The following STAG1 variants were observed in gnomAD, a reference collection of about 807,000 sequenced individuals.
STAG1 encodes the protein STAG1 cohesin complex component.
In STAG1, 26 loss-of-function variants were observed where a neutral mutation model predicts 170.9. The ratio of observed to expected loss-of-function variants is 0.15; its 90% CI spans 0.11 to 0.21. The LOEUF is 0.21. Ranked by LOEUF, STAG1 falls within the 10% of genes least tolerant of loss-of-function variation. The pLI is 1.00. For synonymous variants in STAG1, 514 were observed against 497.7 expected, an observed-to-expected ratio of 1.03 and a Z score of -0.44; for missense variants, 964 against 1,509.5, an observed-to-expected ratio of 0.64 and a Z score of 5.99.
At chr3:136,551,990 T>G (rs533369770) in intron 5 of STAG1, among the ~76,000 whole-genome samples, 1 of 152,266 alleles carries the variant, frequency 6.6e-6, no homozygotes, top group Non-Finnish European at 1.5e-5. Context: ...CAATCTCTTA[T>G]TTTATAATTT....
intron 23 of STAG1, among the ~76,000 whole-genome samples, 156 bp downstream of exon 23, chr3:136,377,504 T>G (rs1406542019): frequency 6.6e-6 from 1 of 152,036 alleles, no homozygotes; most frequent in Non-Finnish European, 1.5e-5. Context: ...GCTTGCTTTA[T>G]AACATAAATT....
chr3:136,477,895 T>C (rs1030811357), intron 9 of STAG1, among the ~76,000 whole-genome samples: 1 of 152,150 alleles, frequency 6.6e-6, no homozygotes, highest in Non-Finnish European at 1.5e-5. Flanking sequence ...GTTCAAGTGA[T>C]TCTCCTGCCT....
chr3:136,689,254 T>C (rs1011047219), intron 1 of STAG1, among the ~76,000 whole-genome samples: 1 of 152,182 alleles, frequency 6.6e-6, no homozygotes, highest in East Asian at 1.9e-4. Flanking sequence ...AGGAGGTAAC[T>C]GGATAAAATT....
At chr3:136,417,456 C>T (rs1313441110) in intron 21 of STAG1, 1 of 158,338 alleles carries the variant, frequency 6.3e-6, no homozygotes, top group Non-Finnish European at 1.4e-5. Context: ...TATGAGTGTA[C>T]AAAGTTCTAA....
At chr3:136,629,296 A>G (rs1940230795) in intron 2 of STAG1, among the ~76,000 whole-genome samples, 1 of 152,140 alleles carries the variant, frequency 6.6e-6, no homozygotes. Flanking sequence ...GTCAGAAAAA[A>G]CAAGAGACAA....
At chr3:136,667,043 T>C (rs984078018) in intron 1 of STAG1, among the ~76,000 whole-genome samples, 3 of 152,192 alleles carry the variant, frequency 2.0e-5, no homozygotes, top group Non-Finnish European at 4.4e-5. Context: ...TATGTAATTA[T>C]AGCAAATAAA....
At chr3:136,751,559 T>C (rs1260374285) in intron 1 of STAG1, among the ~76,000 whole-genome samples, 1 of 151,956 alleles carries the variant, frequency 6.6e-6, no homozygotes, top group African/African-American at 2.4e-5. Flanking sequence ...GGCAGATAGC[T>C]GGAAAGCCCA....
intron 22 of STAG1, among the ~76,000 whole-genome samples, chr3:136,386,305 C>A (rs1480925810): frequency 6.6e-6 from 1 of 152,134 alleles, no homozygotes; most frequent in Admixed American, 6.6e-5. Context: ...TGCCATTGCA[C>A]TCCAGCCTGG....
At chr3:136,622,907 G>A (rs1348008661) in intron 3 of STAG1, among the ~76,000 whole-genome samples, 1 of 152,138 alleles carries the variant, frequency 6.6e-6, no homozygotes, top group Non-Finnish European at 1.5e-5. Context: ...CCTTCTCTAT[G>A]CCTTCACATG....
At chr3:136,338,735 G>A (rs1935813860) in intron 32 of STAG1, among the ~76,000 whole-genome samples, 1 of 152,196 alleles carries the variant, frequency 6.6e-6, no homozygotes. Context: ...ACATGCCCAG[G>A]CCATATCTTC....
chr3:136,470,600 T>C (rs1170933187), intron 12 of STAG1, among the ~76,000 whole-genome samples: 1 of 152,158 alleles, frequency 6.6e-6, no homozygotes, highest in Non-Finnish European at 1.5e-5. Flanking sequence ...GATCTAGAAC[T>C]AGAAATACCA....
At chr3:136,437,735 A>G (rs1255211885) in intron 15 of STAG1, among the ~76,000 whole-genome samples, 1 of 152,148 alleles carries the variant, frequency 6.6e-6, no homozygotes, top group Non-Finnish European at 1.5e-5. Flanking sequence ...TGGGCTTGCA[A>G]AGGTTATAAT....
chr3:136,593,234 T>C (rs1938272735), intron 4 of STAG1, among the ~76,000 whole-genome samples: 1 of 152,198 alleles, frequency 6.6e-6, no homozygotes, highest in Non-Finnish European at 1.5e-5. Context: ...GCCCAGTGCG[T>C]GGGACCAGGC....
intron 4 of STAG1, chr3:136,591,387 GA>G (rs1559896493): frequency 6.3e-6 from 1 of 158,080 alleles, no homozygotes; most frequent in African/African-American, 2.4e-5. Flanking sequence ...GGGAAGGAAG[GA>G]AATTGTTTAA....
intron 1 of STAG1, among the ~76,000 whole-genome samples, chr3:136,713,008 T>A (rs1943427028): frequency 6.6e-6 from 1 of 151,966 alleles, no homozygotes; most frequent in Non-Finnish European, 1.5e-5. Context: ...GGAGAACCAC[T>A]TGGAACCCGG....
intron 1 of STAG1, among the ~76,000 whole-genome samples, chr3:136,678,026 G>A (rs1190982130): frequency 6.7e-6 from 1 of 148,960 alleles, no homozygotes; most frequent in Non-Finnish European, 1.5e-5. Context: ...TTTAGTAAAA[G>A]TTGGCACTAG....
chr3:136,465,192 G>C (rs1331652737), intron 12 of STAG1, among the ~76,000 whole-genome samples: 1 of 148,058 alleles, frequency 6.8e-6, no homozygotes, highest in South Asian at 2.1e-4. Context: ...TCAACGAGAA[G>C]AAAATAAAAT....
chr3:136,751,363 G>C (rs1169014986), intron 1 of STAG1, among the ~76,000 whole-genome samples: 1 of 152,118 alleles, frequency 6.6e-6, no homozygotes, highest in Non-Finnish European at 1.5e-5. Context: ...GAAGAACCCA[G>C]TTCGGACCCT....
chr3:136,714,714 C>T (rs1411706749), intron 1 of STAG1, among the ~76,000 whole-genome samples: 2 of 151,346 alleles, frequency 1.3e-5, no homozygotes, highest in Non-Finnish European at 2.9e-5. Context: ...GGTGACACAG[C>T]GAGACTCCGT....
Sources: allele counts gnomAD v4.1 joint callset (sites outside exome capture counted in the v4.1 genomes callset), GRCh38; gene constraint gnomAD v4.1.1; transcripts MANE v1.5; gene names NCBI Gene and HGNC (gene_info 2026-07-23, HGNC 2026-07-21).